SLC38A1: variants seen among roughly 807,000 people sequenced by gnomAD.
SLC38A1 encodes sodium-coupled neutral amino acid symporter 1.
Under a neutral mutation model 60.3 loss-of-function variants are expected in SLC38A1, and 18 were observed. That is an observed-to-expected ratio of 0.30 (90% CI 0.21 to 0.44). SLC38A1 has a LOEUF of 0.44. Among genes scored for constraint, SLC38A1 ranks in the 20% least tolerant of loss-of-function variants. The pLI is 1.00. For synonymous variants in SLC38A1, 196 were observed against 212.1 expected, an observed-to-expected ratio of 0.92 and a Z score of 0.66; for missense variants, 448 against 587.2, an observed-to-expected ratio of 0.76 and a Z score of 2.45.
chr12:46,238,849 T>C lies in SLC38A1; in HGVS notation c.122+830A>G, dbSNP rs529185235. ...TGTGGTCGCTTTCCTTCTCTTTTTC[T>C]TTTATGTACTATGTCTCTATTATAG... On this transcript the variant is annotated intron_variant, in intron 3 of 16. Coordinates refer to ENST00000398637, the MANE Select transcript of SLC38A1 (RefSeq NM_030674.4). Among the ~76,000 whole-genome samples, 22 of 152,340 alleles carry C rather than the reference T, an allele frequency of 1.4e-4. No homozygotes were observed. The South Asian group carries it at 4.6e-3, about 32-fold the overall frequency.
At chr12:46,198,866 C>G in intron 13 of SLC38A1, 123 bp from the exon 14 acceptor site, 2 of 651,024 alleles carry the variant, frequency 3.1e-6, no homozygotes, top group Non-Finnish European at 5.4e-6. Flanking sequence ...TTCGAAATGT[C>G]TATTAAAACA....
intron 12 of SLC38A1, among the ~76,000 whole-genome samples, chr12:46,202,273 A>G (rs1334689278): frequency 6.6e-6 from 1 of 152,158 alleles, no homozygotes; most frequent in Non-Finnish European, 1.5e-5. Context: ...CTGAACTATT[A>G]AAAGACGCCA....
chr12:46,239,544 T>C (rs1393657396), intron 3 of SLC38A1, 135 bp downstream of exon 3: 6 of 904,938 alleles, frequency 6.6e-6, no homozygotes, highest in Non-Finnish European at 1.0e-5. Flanking sequence ...GGTTTCACCA[T>C]GTTGGTCAGG....
intron 16 of SLC38A1, chr12:46,196,237 G>A (rs998250516): frequency 2.0e-6 from 3 of 1,536,096 alleles, no homozygotes; most frequent in Non-Finnish European, 2.6e-6. Context: ...CATTCTGAGA[G>A]CCAACAGGGC....
Position 46,268,021 on chromosome 12 carries a change from C to G in SLC38A1, c.-209+505G>C, listed in dbSNP as rs1026881243. ...CCCCGGTTTAGTGGTGGTCCGCGGC[C>G]GCTACCCAGCCGGCCGCACGCAGCA... is the stretch of plus-strand genomic sequence containing the variant. On this transcript the variant is annotated intron_variant, in intron 1 of 16. Transcript: ENST00000398637. The surrounding 1 kb of genome is among the most constrained non-coding windows in gnomAD (Gnocchi z 4.4). 6.6e-6 allele frequency among the ~76,000 whole-genome samples: 1 copy of G among 152,160 alleles called. No individual in the cohort carries two copies. The highest frequency in any genetic ancestry group is 1.5e-5 in the Non-Finnish European group (1 of 68,018).
intron 3 of SLC38A1, among the ~76,000 whole-genome samples, chr12:46,235,028 T>C (rs1941211463): frequency 6.6e-6 from 1 of 152,284 alleles, no homozygotes; most frequent in African/African-American, 2.4e-5. Context: ...AATTAACCAT[T>C]AGGTAGCCAA....
At chr12:46,202,877 G>A (rs1939724402) in intron 12 of SLC38A1, 133 bp downstream of exon 12, 1 of 601,550 alleles carries the variant, frequency 1.7e-6, no homozygotes, top group Admixed American at 3.2e-5. Flanking sequence ...ATGGCACAAT[G>A]TGAGTAAATG....
chr12:46,206,130 A>G lies in SLC38A1; in HGVS notation c.596T>C (p.Val199Ala). The G allele has an allele frequency of 6.2e-7, 1 of 1,611,956 alleles. No homozygotes were observed. ...GAGAATTATGCCAAAGGTAACTATC[A>G]CCACCAGAACGCGGCCATCCACGTA... is the stretch of plus-strand genomic sequence containing the variant. ...AWYVDGRVLV[V>A]IVTFGIILPL... The change falls in exon 9 of 17, where the codon GTG becomes GCG. Residue 199 changes from valine to alanine, a missense_variant. Val to Ala is a moderately conservative substitution (Grantham distance 64, BLOSUM62 0). This residue lies in a region of SLC38A1 where 346 missense variants were observed against 497.5 expected (regional missense o/e 0.70). Transcript: ENST00000398637.
Position 46,229,564 on chromosome 12 carries a change from A to G in SLC38A1, c.198T>C (p.Tyr66=), listed in dbSNP as rs115508371. The G allele has an allele frequency of 1.8e-4, 281 of 1,603,360 alleles. No homozygotes were observed. The African/African-American group carries it at 3.6e-3, about 20-fold the overall frequency. Residue 66 remains tyrosine, a splice_region_variant and synonymous_variant, in exon 4 of 17, where the codon TAT becomes TAC. Transcript: ENST00000398637. The stretch of plus-strand genomic sequence containing the variant: ...CATACTTCATTATAATGATACTTAC[A>G]TACTCATCACACTTCTTTTTTTCCA... The part of the protein sequence containing the change: ...SHLEKKKCDE[Y]IPGTTSLGMS...
chr12:46,208,347 G>A (rs1017425916), intron 6 of SLC38A1, among the ~76,000 whole-genome samples: 1 of 152,286 alleles, frequency 6.6e-6, no homozygotes, highest in South Asian at 2.1e-4. Flanking sequence ...GTTTTCAAAA[G>A]GTTCACGGAG....
chr12:46,240,550 C>G (rs941076950), intron 2 of SLC38A1, among the ~76,000 whole-genome samples: 5 of 152,176 alleles, frequency 3.3e-5, no homozygotes, highest in African/African-American at 1.2e-4. Context: ...TGTCAGATCG[C>G]AGAGCACACA....
chr12:46,203,719 C>T (rs74082006), intron 11 of SLC38A1, among the ~76,000 whole-genome samples: 1,577 of 152,300 alleles, frequency 0.01, 38 homozygotes, highest in African/African-American at 0.036. Context: ...GAAAACTAAC[C>T]TATCTTATGC....
chr12:46,244,715 T>C (rs1290483138), intron 1 of SLC38A1, among the ~76,000 whole-genome samples: 1 of 152,232 alleles, frequency 6.6e-6, no homozygotes, highest in Non-Finnish European at 1.5e-5. Flanking sequence ...GCCAGTTGAA[T>C]GTGTTATGTT....
intron 3 of SLC38A1, among the ~76,000 whole-genome samples, chr12:46,230,228 C>T (rs185490742): frequency 7.2e-5 from 11 of 152,252 alleles, no homozygotes; most frequent in Admixed American, 6.5e-4. Context: ...ATTCCTTCAG[C>T]GCCTGCTATA....
intron 2 of SLC38A1, among the ~76,000 whole-genome samples, chr12:46,241,275 T>A (rs574798057): frequency 6.6e-6 from 1 of 152,310 alleles, no homozygotes; most frequent in South Asian, 2.1e-4. Flanking sequence ...CCCAACTAAG[T>A]AATATTTCAA....
chr12:46,239,942 G>A, intron 2 of SLC38A1, 49 bp from the exon 3 acceptor site: 1 of 671,910 alleles, frequency 1.5e-6, no homozygotes, highest in African/African-American at 1.8e-5. Flanking sequence ...AAACGCTACT[G>A]ATTAAAAATA....
rs1021327761 is a variant in SLC38A1, at chr12:46,229,087, T to C, written c.314+66A>G. 3 of 849,560 alleles carry C rather than the reference T, an allele frequency of 3.5e-6. No homozygotes were observed. The South Asian group carries it at 5.0e-5, about 14-fold the overall frequency. The allele number at this position is 849,560 out of a possible 1,614,324, so 52.6% of individuals were successfully genotyped here. ...TTATAAATATTTCACATTTCTTCTA[T>C]GTAATAACAGAAACATACAAAAAGT... On this transcript the variant is annotated intron_variant, in intron 5 of 16. Coordinates refer to ENST00000398637, the MANE Select transcript of SLC38A1 (RefSeq NM_030674.4).
intron 2 of SLC38A1, among the ~76,000 whole-genome samples, chr12:46,241,895 C>T (rs1443438115): frequency 6.6e-6 from 1 of 152,146 alleles, no homozygotes; most frequent in East Asian, 1.9e-4. Flanking sequence ...CATTTCCAAT[C>T]TGGGTTAAGG....
At position 46,259,082 on chromosome 12, in the gene SLC38A1, A is replaced by T. The variant is rs60782287; in HGVS notation, c.-209+9444T>A. Among the ~76,000 whole-genome samples, 242 of 152,322 alleles carry T rather than the reference A, an allele frequency of 1.6e-3. 1 individual carries two copies. The highest frequency in any genetic ancestry group is 5.4e-3 in the African/African-American group (223 of 41,562). The stretch of plus-strand genomic sequence containing the variant: ...AAGAAGTGACCACGTGAGATGATGG[A>T]TATATTAATTTTCTTGACTCTAGTA... On this transcript the variant is annotated intron_variant, in intron 1 of 16. Coordinates refer to ENST00000398637, the MANE Select transcript of SLC38A1 (RefSeq NM_030674.4).
Sources: allele counts gnomAD v4.1 joint callset (sites outside exome capture counted in the v4.1 genomes callset), GRCh38; gene constraint gnomAD v4.1.1; regional missense constraint gnomAD v4.1.1; non-coding constraint Gnocchi (gnomAD v3.1); transcripts MANE v1.5; gene names NCBI Gene and HGNC (gene_info 2026-07-23, HGNC 2026-07-21).